IGSF11: variants seen among roughly 807,000 people sequenced by gnomAD.
IGSF11 encodes the protein CXADR like 1.
Under a neutral mutation model 41.0 loss-of-function variants are expected in IGSF11, and 22 were observed. The observed-to-expected ratio is 0.54, with a 90% confidence interval of 0.38 to 0.77. IGSF11 has a LOEUF of 0.77. Among genes scored for constraint, IGSF11 ranks in the 30% least tolerant of loss-of-function variants. The pLI, the probability that IGSF11 is intolerant of heterozygous loss-of-function variation, is 0.00. For synonymous variants in IGSF11, 219 were observed against 201.3 expected (o/e 1.09, Z -0.74); for missense variants, 444 against 530.8 (o/e 0.84, Z 1.61).
At chr3:119,101,052 C>T (rs1000314895) in intron 1 of IGSF11, among the ~76,000 whole-genome samples, 6 of 152,226 alleles carry the variant, frequency 3.9e-5, no homozygotes, top group Non-Finnish European at 8.8e-5. Flanking sequence ...TTCCTCACTA[C>T]TCATCATTCT....
upstream of IGSF11, among the ~76,000 whole-genome samples, chr3:119,109,460 T>G (rs1205494180): frequency 2.0e-5 from 3 of 152,078 alleles, no homozygotes; most frequent in Admixed American, 6.5e-5. Flanking sequence ...TTTTATTGCG[T>G]CTATTTGATT....
upstream of IGSF11, among the ~76,000 whole-genome samples, chr3:119,038,426 C>T (rs1477669081): frequency 6.6e-6 from 1 of 152,174 alleles, no homozygotes; most frequent in Non-Finnish European, 1.5e-5. Context: ...CTCCCCATAG[C>T]CCAATCCCTA....
intron 1 of IGSF11, among the ~76,000 whole-genome samples, chr3:119,086,477 G>T (rs1438494945): frequency 1.3e-5 from 2 of 150,802 alleles, no homozygotes; most frequent in East Asian, 3.9e-4. Flanking sequence ...AGTCCAAGTT[G>T]GAGGGGGAGG....
intron 4 of IGSF11, among the ~76,000 whole-genome samples, chr3:118,920,614 A>G (rs1162745704): frequency 6.9e-6 from 1 of 144,258 alleles, no homozygotes; most frequent in Non-Finnish European, 1.5e-5. Flanking sequence ...AAATAACACA[A>G]AAAGCTTATT....
chr3:119,055,030 T>G (rs1407582457), intron 1 of IGSF11, among the ~76,000 whole-genome samples: 2 of 152,194 alleles, frequency 1.3e-5, no homozygotes, highest in African/African-American at 4.8e-5. Context: ...CAATATCCGT[T>G]GTTCTGCAGC....
intron 1 of IGSF11, among the ~76,000 whole-genome samples, chr3:118,959,866 T>C (rs2107599039): frequency 6.6e-6 from 1 of 151,534 alleles, no homozygotes; most frequent in East Asian, 1.9e-4. Flanking sequence ...GCTAAAATGG[T>C]GAAACCCCGC....
At chr3:119,076,878 A>G (rs1161910084) in intron 1 of IGSF11, among the ~76,000 whole-genome samples, 1 of 152,182 alleles carries the variant, frequency 6.6e-6, no homozygotes, top group African/African-American at 2.4e-5. Flanking sequence ...TCAAGGATCT[A>G]GAACTAGAAA....
intron 1 of IGSF11, among the ~76,000 whole-genome samples, chr3:119,074,155 G>A (rs1368146655): frequency 6.6e-6 from 1 of 152,112 alleles, no homozygotes; most frequent in African/African-American, 2.4e-5. Flanking sequence ...CTTGACAATT[G>A]ACCAAATGGA....
At chr3:118,923,453 C>T (rs1030960241) in intron 4 of IGSF11, among the ~76,000 whole-genome samples, 2 of 152,198 alleles carry the variant, frequency 1.3e-5, no homozygotes, top group African/African-American at 4.8e-5. Flanking sequence ...AGAAATTTAA[C>T]TCTGATCTAA....
intron 1 of IGSF11, among the ~76,000 whole-genome samples, chr3:119,073,793 T>C (rs1202931117): frequency 6.6e-6 from 1 of 151,778 alleles, no homozygotes; most frequent in Non-Finnish European, 1.5e-5. Flanking sequence ...CCTCCACACC[T>C]CCCACAAGCA....
At chr3:119,096,106 G>A (rs2076845507) in intron 1 of IGSF11, among the ~76,000 whole-genome samples, 1 of 151,866 alleles carries the variant, frequency 6.6e-6, no homozygotes, top group Non-Finnish European at 1.5e-5. Context: ...ACAGTGTTTA[G>A]TACTTAGTAG....
At chr3:119,043,118 G>A (rs571361843) in intron 1 of IGSF11, among the ~76,000 whole-genome samples, 14 of 152,260 alleles carry the variant, frequency 9.2e-5, no homozygotes, top group East Asian at 3.9e-4. Flanking sequence ...GGATGAACCC[G>A]GGCACTTAGC....
chr3:118,966,857 T>G (rs184423091), intron 1 of IGSF11, among the ~76,000 whole-genome samples: 137 of 152,212 alleles, frequency 9.0e-4, no homozygotes, highest in African/African-American at 3.2e-3. Context: ...CCTCTCTCTT[T>G]GTCTAGTTTC....
At chr3:119,132,327 T>C (rs999283313) in intron 1 of IGSF11, among the ~76,000 whole-genome samples, 9 of 117,456 alleles carry the variant, frequency 7.7e-5, no homozygotes, top group Non-Finnish European at 1.3e-4. Flanking sequence ...CAGAGACACA[T>C]ATAGGCTCAA....
chr3:119,030,619 C>CT (rs534735338), intron 1 of IGSF11, among the ~76,000 whole-genome samples: 144 of 152,278 alleles, frequency 9.5e-4, no homozygotes, highest in African/African-American at 3.2e-3. Context: ...TAACTTTCCA[C>CT]TTTTAAGACC....
intron 4 of IGSF11, among the ~76,000 whole-genome samples, chr3:118,916,347 G>A (rs1941091598): frequency 6.6e-6 from 1 of 152,144 alleles, no homozygotes; most frequent in Admixed American, 6.5e-5. Context: ...TCAGTGTGCT[G>A]TATTCAGGAA....
rs148424020 is a variant in IGSF11 at position 118,902,559 on chromosome 3, G to A, written c.1257C>T (p.Val419=). The A allele has an allele frequency of 6.3e-7, 1 of 1,597,894 alleles. No individual in the cohort carries two copies. Among genetic ancestry groups the A allele is most frequent in the Non-Finnish European group, 8.5e-7 (1 of 1,170,512 alleles). ...CGGCCCGACTCTGGGCTGGTACCATGACAGGTACTGCACCAATTCGTTCCA... is the reference window on the plus strand; with the variant it reads ...CGGCCCGACTCTGGGCTGGTACCATAACAGGTACTGCACCAATTCGTTCCA... ...ATLERIGAVP[V]MVPAQSRAGS... Residue 419 remains valine (V), a synonymous_variant, in exon 7 of 7, where the codon GTC becomes GTT. Coordinates refer to ENST00000393775, the MANE Select transcript of IGSF11 (RefSeq NM_001015887.3).
At chr3:119,007,270 TCCCTGAC>T in intron 1 of IGSF11, among the ~76,000 whole-genome samples, 1 of 139,070 alleles carries the variant, frequency 7.2e-6, no homozygotes, top group East Asian at 2.0e-4. Context: ...GAAAGAGAAC[TCCCTGAC>T]CCCTTGCGCT....
At chr3:119,088,522 A>G (rs2076714172) in intron 1 of IGSF11, among the ~76,000 whole-genome samples, 1 of 152,200 alleles carries the variant, frequency 6.6e-6, no homozygotes, top group South Asian at 2.1e-4. Flanking sequence ...AGGCACTACA[A>G]AAAAACAAAA....
Sources: allele counts gnomAD v4.1 joint callset (sites outside exome capture counted in the v4.1 genomes callset), GRCh38; gene constraint gnomAD v4.1.1; transcripts MANE v1.5; gene names NCBI Gene and HGNC (gene_info 2026-07-23, HGNC 2026-07-21).